Variants in TRMT9B observed in about 807,000 individuals in gnomAD.
The protein encoded by TRMT9B is tRNA methyltransferase 9B (putative).
A neutral mutation model predicts 11.5 loss-of-function variants in TRMT9B; 16 were observed. That is an observed-to-expected ratio of 1.39 (90% CI 0.94 to 2.11). TRMT9B has a LOEUF of 2.11. TRMT9B is among the 30% of genes most tolerant of loss of function. TRMT9B has a pLI of 0.00. For missense variants in TRMT9B, 941 were observed against 553.8 expected (o/e 1.70, Z -7.02); for synonymous variants, 274 against 192.4 (o/e 1.42, Z -3.51).
chr8:12,959,376 T>C (rs2128861376), intron 1 of TRMT9B, among the ~76,000 whole-genome samples: 1 of 152,314 alleles, frequency 6.6e-6, no homozygotes, highest in African/African-American at 2.4e-5. Context: ...TGTATAAAAT[T>C]ACCTTCAGCT....
chr8:13,012,526 G>A (rs867648788), intron 3 of TRMT9B, 158 bp from the exon 4 acceptor site: 2 of 933,200 alleles, frequency 2.1e-6, no homozygotes, highest in Non-Finnish European at 3.0e-6. Flanking sequence ...AGTGAACCGA[G>A]ATTGCGCCAC....
At chr8:13,015,303 T>G (rs535876914) in intron 4 of TRMT9B, among the ~76,000 whole-genome samples, 4 of 150,790 alleles carry the variant, frequency 2.7e-5, no homozygotes, top group South Asian at 2.1e-4. Context: ...TTTGTTGTCA[T>G]TTAACTTTTC....
chr8:12,974,676 G>C (rs1183388813), intron 1 of TRMT9B, among the ~76,000 whole-genome samples: 1 of 152,084 alleles, frequency 6.6e-6, no homozygotes, highest in East Asian at 1.9e-4. Flanking sequence ...GTAATGTTGT[G>C]AGGTTGATGA....
At chr8:12,965,455 C>T (rs574750801) in intron 1 of TRMT9B, among the ~76,000 whole-genome samples, 4 of 152,276 alleles carry the variant, frequency 2.6e-5, no homozygotes, top group Admixed American at 2.0e-4. Flanking sequence ...GTGTGGCCAG[C>T]CTTCCCCAGC....
At chr8:12,989,865 C>G (rs1263844430) in intron 1 of TRMT9B, among the ~76,000 whole-genome samples, 3 of 152,196 alleles carry the variant, frequency 2.0e-5, no homozygotes, top group South Asian at 2.1e-4. Flanking sequence ...TTCTGTGGCT[C>G]TCAATGGCAC....
At chr8:12,955,363 T>A (rs1801158172) in intron 1 of TRMT9B, among the ~76,000 whole-genome samples, 1 of 152,156 alleles carries the variant, frequency 6.6e-6, no homozygotes, top group South Asian at 2.1e-4. Context: ...TTGAGGAGTT[T>A]GGTGTATGGT....
chr8:12,992,288 A>G (rs1182967625), intron 2 of TRMT9B, among the ~76,000 whole-genome samples: 6 of 152,210 alleles, frequency 3.9e-5, no homozygotes, highest in Non-Finnish European at 5.9e-5. Context: ...GGGAACATAT[A>G]CAGAGTTGAG....
intron 3 of TRMT9B, chr8:13,011,040 G>T: frequency 9.5e-6 from 6 of 630,352 alleles, no homozygotes; most frequent in Non-Finnish European, 1.2e-5. Context: ...GCTGGAGTGA[G>T]GTGATGCTAC....
In TRMT9B at chr8:13,025,283, C is replaced by T. The variant is rs1304103077; in HGVS notation, c.*3239C>T. On this transcript the variant is annotated 3_prime_UTR_variant, in exon 5 of 5. Transcript: ENST00000524591. ...CCTGTACTCCCAGCACTTCAGGAAG[C>T]TGAGGTGGGTGGATCAGCTGAGGTC... is the stretch of plus-strand genomic sequence containing the variant. 1 of 166,796 alleles carries T rather than the reference C, an allele frequency of 6.0e-6. No homozygotes were observed. The highest frequency in any genetic ancestry group is 2.4e-5 in the African/African-American group (1 of 41,464). 10.3% of individuals were successfully genotyped at this position (166,796 alleles called of 1,614,324 possible).
At chr8:13,014,542 TG>T (rs1812262531) in intron 4 of TRMT9B, among the ~76,000 whole-genome samples, 1 of 152,082 alleles carries the variant, frequency 6.6e-6, no homozygotes, top group South Asian at 2.1e-4. Context: ...AAGCCCATAA[TG>T]GGGGCCCCAC....
At chr8:12,992,554 T>C (rs1585244821) in intron 2 of TRMT9B, among the ~76,000 whole-genome samples, 1 of 152,126 alleles carries the variant, frequency 6.6e-6, no homozygotes, top group East Asian at 1.9e-4. Context: ...GAGAACTTCA[T>C]TTAAACAGCA....
At chr8:12,976,678 A>T (rs1804507260) in intron 1 of TRMT9B, among the ~76,000 whole-genome samples, 1 of 152,238 alleles carries the variant, frequency 6.6e-6, no homozygotes, top group African/African-American at 2.4e-5. Flanking sequence ...GAGTTTAGTA[A>T]AAGGCCCGTT....
chr8:13,001,078 G>T (rs1025986086), intron 2 of TRMT9B, among the ~76,000 whole-genome samples: 1 of 151,582 alleles, frequency 6.6e-6, no homozygotes, highest in African/African-American at 2.4e-5. Context: ...GAAGCATCAC[G>T]GATTCTCATC....
intron 1 of TRMT9B, among the ~76,000 whole-genome samples, chr8:12,950,239 C>A (rs1358984563): frequency 6.6e-6 from 1 of 152,158 alleles, no homozygotes; most frequent in Non-Finnish European, 1.5e-5. Flanking sequence ...AACTGATTTC[C>A]CTTATGTTTT....
At position 13,003,284 on chromosome 8, in the gene TRMT9B, A is replaced by G. The variant is rs530800065; in HGVS notation, c.-1-2918A>G. ...TTCATACTGATGGGTAAAAGCCACAACCCGAGTCCCTGGCCACTTCCCTGG... is the reference window on the plus strand; with the variant it reads ...TTCATACTGATGGGTAAAAGCCACAGCCCGAGTCCCTGGCCACTTCCCTGG... On this transcript the variant is annotated intron_variant, in intron 2 of 4. Transcript: ENST00000524591. 2.5e-4 allele frequency among the ~76,000 whole-genome samples: 38 copies of G among 152,094 alleles called. 1 individual carries two copies. The highest frequency in any genetic ancestry group is 4.7e-4 in the Non-Finnish European group (32 of 68,018).
At position 13,022,464 on chromosome 8, in the gene TRMT9B, A is replaced by G. The variant is rs1257059858; in HGVS notation, c.*420A>G. On this transcript the variant is annotated 3_prime_UTR_variant, in exon 5 of 5. Coordinates refer to ENST00000524591, the MANE Select transcript of TRMT9B (RefSeq NM_020844.3). The stretch of plus-strand genomic sequence containing the variant: ...TTCTGGTTCTCAGGTTATAACTGAG[A>G]GCAGTGTGCAAGATAATAGGTAAAT... The G allele has an allele frequency of 5.8e-6, 1 of 172,554 alleles. No homozygotes were observed. Among genetic ancestry groups the G allele is most frequent in the Non-Finnish European group, 1.4e-5 (1 of 72,176 alleles). The allele number at this position is 172,554 out of a possible 1,614,324, so 10.7% of individuals were successfully genotyped here.
chr8:12,989,469 A>G (rs931065821), intron 1 of TRMT9B, among the ~76,000 whole-genome samples: 2 of 152,194 alleles, frequency 1.3e-5, no homozygotes, highest in African/African-American at 2.4e-5. Flanking sequence ...GGGCGTATAG[A>G]CAAGCCTCCT....
intron 3 of TRMT9B, 174 bp from the exon 4 acceptor site, chr8:13,012,510 G>A (rs1315325299): frequency 6.3e-6 from 5 of 799,500 alleles, no homozygotes; most frequent in Non-Finnish European, 8.9e-6. Flanking sequence ...GTGAGGCAGA[G>A]GTTGCAGTGA....
intron 1 of TRMT9B, among the ~76,000 whole-genome samples, chr8:12,948,533 CATAT>C (rs1055877070): frequency 6.8e-6 from 1 of 146,590 alleles, no homozygotes; most frequent in South Asian, 2.1e-4. Flanking sequence ...ATTCATATTG[CATAT>C]ATATTTACAT....
Sources: gnomAD v4.1 joint callset for allele counts (sites outside exome capture counted in the v4.1 genomes callset) on GRCh38, gnomAD v4.1.1 for gene constraint, MANE v1.5 for transcripts, NCBI Gene and HGNC (gene_info 2026-07-23, HGNC 2026-07-21) for gene names.